The following SNTG2 variants were observed in gnomAD, a reference collection of about 807,000 sequenced individuals.
SNTG2 encodes syntrophin gamma 2, also known as gamma-2-syntrophin.
Under a neutral mutation model 70.9 loss-of-function variants are expected in SNTG2, and 74 were observed. The ratio of observed to expected loss-of-function variants is 1.04; its 90% CI spans 0.86 to 1.27. SNTG2 has a LOEUF of 1.27. Among genes scored for constraint, SNTG2 ranks in the 50% most tolerant of loss-of-function variants. The pLI is 0.00. For missense variants in SNTG2, 717 were observed against 690.7 expected, an observed-to-expected ratio of 1.04 and a Z score of -0.43; for synonymous variants, 278 against 273.8, an observed-to-expected ratio of 1.02 and a Z score of -0.15.
intron 8 of SNTG2, among the ~76,000 whole-genome samples, chr2:1,174,857 C>T (rs932907428): frequency 1.3e-5 from 2 of 152,126 alleles, no homozygotes; most frequent in East Asian, 1.9e-4. Context: ...CTCTTTGGCA[C>T]ATTTACTGTT....
chr2:1,078,587 C>G (rs957935745), intron 1 of SNTG2, among the ~76,000 whole-genome samples: 2 of 152,176 alleles, frequency 1.3e-5, no homozygotes, highest in Non-Finnish European at 2.9e-5. Context: ...GCCGGCCTCA[C>G]AGGGCATCAC....
chr2:1,038,324 G>A (rs1025853890), intron 1 of SNTG2, among the ~76,000 whole-genome samples: 2 of 152,146 alleles, frequency 1.3e-5, no homozygotes, highest in South Asian at 4.1e-4. Flanking sequence ...CTCATAGAAT[G>A]AACCTAGGAG....
chr2:1,161,869 T>C (rs956529702), intron 6 of SNTG2, among the ~76,000 whole-genome samples: 36 of 151,976 alleles, frequency 2.4e-4, no homozygotes, highest in South Asian at 6.2e-4. Flanking sequence ...GGTCAGGAGA[T>C]CGAGACCATC....
intron 16 of SNTG2, among the ~76,000 whole-genome samples, chr2:1,318,578 G>A (rs1328839977): frequency 6.6e-6 from 1 of 152,236 alleles, no homozygotes; most frequent in Non-Finnish European, 1.5e-5. Flanking sequence ...CAGGCAAGGC[G>A]CTGACCTCTC....
intron 9 of SNTG2, among the ~76,000 whole-genome samples, chr2:1,214,330 A>G (rs944117462): frequency 6.6e-6 from 1 of 152,172 alleles, no homozygotes; most frequent in African/African-American, 2.4e-5. Flanking sequence ...TTTGTATATC[A>G]TTTTAAGTAG....
chr2:1,222,241 T>C (rs180766520), intron 9 of SNTG2, among the ~76,000 whole-genome samples: 39 of 152,356 alleles, frequency 2.6e-4, no homozygotes, highest in African/African-American at 8.9e-4. Context: ...ATTCGTTTTT[T>C]TTCATTTTGA....
At position 1,115,796 on chromosome 2, in the gene SNTG2, G is replaced by A. The variant is rs1226306119; in HGVS notation, c.325+17386G>A. The stretch of plus-strand genomic sequence containing the variant: ...TGTTTAACCCTTACAGTCCTTTGAG[G>A]AGGATAAGAAGAGTCTCCCTTGTGC... On this transcript the variant is annotated intron_variant, in intron 4 of 16. Transcript: ENST00000308624. Among the ~76,000 whole-genome samples the A allele has an allele frequency of 7.2e-5, 11 of 152,226 alleles. 1 individual carries two copies. The highest frequency in any genetic ancestry group is 7.2e-4 in the Admixed American group (11 of 15,292).
chr2:1,184,354 A>T (rs1045416082), intron 8 of SNTG2, among the ~76,000 whole-genome samples: 1 of 152,176 alleles, frequency 6.6e-6, no homozygotes, highest in African/African-American at 2.4e-5. Flanking sequence ...GAGTGAGCAA[A>T]AAATAAAAAC....
At chr2:1,092,880 C>A (rs1248882525) in intron 2 of SNTG2, among the ~76,000 whole-genome samples, 1 of 152,108 alleles carries the variant, frequency 6.6e-6, no homozygotes, top group Non-Finnish European at 1.5e-5. Flanking sequence ...AATTAAATGT[C>A]ATAACATAGT....
intron 16 of SNTG2, chr2:1,341,701 T>G (rs999449001): frequency 2.0e-5 from 3 of 152,216 alleles, no homozygotes; most frequent in Admixed American, 6.5e-5. Context: ...AGTTTCTTCC[T>G]GCACTTGGGA....
intron 4 of SNTG2, among the ~76,000 whole-genome samples, chr2:1,115,978 C>T (rs1478051848): frequency 6.6e-6 from 1 of 152,224 alleles, no homozygotes; most frequent in East Asian, 1.9e-4. Context: ...AGGTGGGGGC[C>T]AACGGGTTCC....
chr2:1,114,244 C>G (rs936131394), intron 4 of SNTG2, among the ~76,000 whole-genome samples: 1 of 151,066 alleles, frequency 6.6e-6, no homozygotes, highest in African/African-American at 2.4e-5. Context: ...GAGGTTTAAC[C>G]CTTACAGTCC....
At chr2:955,326 T>C (rs1429683296) in intron 1 of SNTG2, among the ~76,000 whole-genome samples, 1 of 152,248 alleles carries the variant, frequency 6.6e-6, no homozygotes, top group Non-Finnish European at 1.5e-5. Flanking sequence ...GTGAACATCA[T>C]TTGATGATGG....
chr2:1,140,525 T>C (rs1261201314), intron 6 of SNTG2, among the ~76,000 whole-genome samples: 1 of 152,216 alleles, frequency 6.6e-6, no homozygotes, highest in East Asian at 1.9e-4. Flanking sequence ...TACCTGTACC[T>C]GGTCTGTGAT....
In SNTG2 at chr2:983,969, G is replaced by C. The variant is rs191485173; in HGVS notation, c.72+32901G>C. On this transcript the variant is annotated intron_variant, in intron 1 of 16. Transcript: ENST00000308624. ...ATGTCTGTGTCCCTGTGTCCCTGAG[G>C]GTCAGTGTCAAGAGGAGGCCAGACT... 4.6e-5 allele frequency among the ~76,000 whole-genome samples: 7 copies of C among 152,294 alleles called. No homozygotes were observed. The East Asian group carries it at 1.4e-3, about 30-fold the overall frequency.
chr2:1,264,004 G>T (rs1460194299), intron 13 of SNTG2, among the ~76,000 whole-genome samples: 1 of 152,200 alleles, frequency 6.6e-6, no homozygotes, highest in Admixed American at 6.5e-5. Context: ...CTTGAACTGC[G>T]TGGGCTCATT....
intron 11 of SNTG2, among the ~76,000 whole-genome samples, chr2:1,242,222 C>T (rs1399218325): frequency 6.6e-6 from 1 of 152,038 alleles, no homozygotes; most frequent in Non-Finnish European, 1.5e-5. Context: ...ACATTAGGCC[C>T]TTTAAAACAG....
chr2:1,202,153 G>T lies in SNTG2; in HGVS notation c.592-6950G>T, dbSNP rs144808634. 2.0e-3 allele frequency among the ~76,000 whole-genome samples: 308 copies of T among 152,150 alleles called. 3 individuals are homozygous for T. The highest frequency in any genetic ancestry group is 0.017 in the East Asian group (87 of 5,182). ...AGCACTATGAATGGCAAATAGGTGG[G>T]TATGTATATAAAATATCCAATATAA... On this transcript the variant is annotated intron_variant, in intron 8 of 16. Coordinates refer to ENST00000308624, the MANE Select transcript of SNTG2 (RefSeq NM_018968.4).
At chr2:1,127,777 G>T (rs1207896369) in intron 4 of SNTG2, among the ~76,000 whole-genome samples, 5 of 152,004 alleles carry the variant, frequency 3.3e-5, no homozygotes, top group Non-Finnish European at 7.4e-5. Flanking sequence ...TTCGTACTTA[G>T]AACACTATTG....
Sources: allele counts gnomAD v4.1 joint callset (sites outside exome capture counted in the v4.1 genomes callset), GRCh38; gene constraint gnomAD v4.1.1; transcripts MANE v1.5; gene names NCBI Gene and HGNC (gene_info 2026-07-23, HGNC 2026-07-21).